ARID1B: variants seen among roughly 807,000 people sequenced by gnomAD.
ARID1B encodes AT-rich interactive domain-containing protein 1B.
A neutral mutation model predicts 212.3 loss-of-function variants in ARID1B; 30 were observed. The observed-to-expected ratio is 0.14, with a 90% confidence interval of 0.11 to 0.19. The LOEUF is 0.19. Among genes scored for constraint, ARID1B ranks in the 10% least tolerant of loss-of-function variants. ARID1B has a pLI of 1.00. For missense variants in ARID1B, 2,891 were observed against 3,204.0 expected, an observed-to-expected ratio of 0.90 and a Z score of 2.36; for synonymous variants, 1,402 against 1,301.7, an observed-to-expected ratio of 1.08 and a Z score of -1.66.
chr6:156,783,307 G>A (rs1254247161), intron 1 of ARID1B, among the ~76,000 whole-genome samples: 1 of 150,334 alleles, frequency 6.7e-6, no homozygotes, highest in Non-Finnish European at 1.5e-5. Flanking sequence ...TGAAATTGAA[G>A]AAAATAACGT....
intron 5 of ARID1B, among the ~76,000 whole-genome samples, chr6:157,108,486 A>G (rs555818588): frequency 1.2e-4 from 18 of 152,304 alleles, no homozygotes; most frequent in African/African-American, 4.3e-4. Context: ...GTCTTGCTGC[A>G]GCTGATTCCC....
chr6:157,122,752 C>T (rs768915208), intron 6 of ARID1B, among the ~76,000 whole-genome samples: 18 of 152,160 alleles, frequency 1.2e-4, no homozygotes, highest in Admixed American at 6.5e-4. Flanking sequence ...GATCTGGGCT[C>T]ACTGCAACCT....
Position 157,174,897 on chromosome 6 carries a change from G to T in ARID1B, c.3396G>T (p.Leu1132=). 3.2e-6 allele frequency: 5 copies of T among 1,551,468 alleles called. No homozygotes were observed. The highest frequency in any genetic ancestry group is 4.4e-6 in the Non-Finnish European group (5 of 1,148,642). Residue 1132 remains leucine (L), a synonymous_variant, in exon 11 of 20, where the codon CTG becomes CTT. Coordinates refer to ENST00000636930, the MANE Select transcript of ARID1B (RefSeq NM_001374828.1). Reference sequence around the variant, plus strand: ...CTCAGCCCCCAACCCCAGGCAACCTGCCAGTCCCTTCCCCAATGTCCCCCA... The same window carrying T: ...CTCAGCCCCCAACCCCAGGCAACCTTCCAGTCCCTTCCCCAATGTCCCCCA... ...GISQPPTPGN[L]PVPSPMSPSS... is the part of the protein sequence containing the mutation.
chr6:157,190,859 G>A lies in ARID1B; in HGVS notation c.4231+649G>A, dbSNP rs1485608723. 1.3e-5 allele frequency among the ~76,000 whole-genome samples: 2 copies of A among 152,174 alleles called. No homozygotes were observed. The highest frequency in any genetic ancestry group is 1.3e-4 in the Admixed American group (2 of 15,292). ...GGTGGCGCGGTGGGAGAGAGGGAAA[G>A]CGATTTAGACTGAGTGGTCGGGAGG... On this transcript the variant is annotated intron_variant, in intron 15 of 19. Coordinates refer to ENST00000636930, the MANE Select transcript of ARID1B (RefSeq NM_001374828.1). The surrounding 1 kb of genome is among the most constrained non-coding windows in gnomAD (Gnocchi z 4.6).
intron 6 of ARID1B, among the ~76,000 whole-genome samples, chr6:157,115,892 A>G (rs866135117): frequency 3.3e-5 from 5 of 152,306 alleles, no homozygotes; most frequent in South Asian, 2.1e-4. Flanking sequence ...TAGACCTCAT[A>G]TGGCAATATA....
chr6:157,054,537 G>A (rs1782814643), intron 4 of ARID1B, among the ~76,000 whole-genome samples: 1 of 152,198 alleles, frequency 6.6e-6, no homozygotes, highest in Admixed American at 6.5e-5. Flanking sequence ...TGTTATAAAA[G>A]TAGGAAGTGA....
chr6:157,129,696 T>C (rs1159835852), intron 6 of ARID1B, among the ~76,000 whole-genome samples: 4 of 152,206 alleles, frequency 2.6e-5, no homozygotes, highest in African/African-American at 4.8e-5. Context: ...TTTTTGCAAA[T>C]GTGATTTTAT....
At chr6:157,161,395 C>T (rs1790918808) in intron 8 of ARID1B, among the ~76,000 whole-genome samples, 1 of 148,328 alleles carries the variant, frequency 6.7e-6, no homozygotes, top group African/African-American at 2.5e-5. Context: ...TTGACCAGGG[C>T]TTGACGGTCT....
chr6:157,133,352 C>A (rs1788683680), intron 7 of ARID1B, 145 bp downstream of exon 7: 1 of 915,760 alleles, frequency 1.1e-6, no homozygotes. Context: ...CATACAAGCC[C>A]ACAGTACTTT....
intron 5 of ARID1B, among the ~76,000 whole-genome samples, chr6:157,106,230 A>T (rs1044479870): frequency 2.6e-5 from 4 of 152,152 alleles, no homozygotes; most frequent in African/African-American, 7.2e-5. Context: ...AAAAAAGGAA[A>T]GCCCAAAGGG....
chr6:156,988,425 T>C (rs1445697944), intron 4 of ARID1B, among the ~76,000 whole-genome samples: 1 of 152,126 alleles, frequency 6.6e-6, no homozygotes, highest in African/African-American at 2.4e-5. Flanking sequence ...GGGGATTCGC[T>C]GCAAACCATG....
At chr6:157,015,464 A>G (rs991377962) in intron 4 of ARID1B, among the ~76,000 whole-genome samples, 1 of 152,180 alleles carries the variant, frequency 6.6e-6, no homozygotes, top group Non-Finnish European at 1.5e-5. Flanking sequence ...TAAGACACAG[A>G]TTTGGGATTC....
At chr6:157,195,284 C>T (rs1421128577) in intron 15 of ARID1B, 1 of 152,164 alleles carries the variant, frequency 6.6e-6, no homozygotes, top group East Asian at 1.9e-4. Flanking sequence ...GGTCCTCGTC[C>T]GAGTTTATTT....
At chr6:157,049,376 A>G (rs1782442326) in intron 4 of ARID1B, among the ~76,000 whole-genome samples, 1 of 152,118 alleles carries the variant, frequency 6.6e-6, no homozygotes, top group Admixed American at 6.5e-5. Context: ...TTAGATGGCC[A>G]TGTGAAAAGG....
intron 7 of ARID1B, among the ~76,000 whole-genome samples, chr6:157,145,746 T>C (rs1288733045): frequency 6.6e-6 from 1 of 152,210 alleles, no homozygotes; most frequent in Non-Finnish European, 1.5e-5. Flanking sequence ...CCAGGATGCC[T>C]GGGCTCAGAC....
At chr6:156,826,444 G>C (rs754890366) in intron 1 of ARID1B, among the ~76,000 whole-genome samples, 2 of 152,232 alleles carry the variant, frequency 1.3e-5, no homozygotes, top group Admixed American at 6.5e-5. Flanking sequence ...GGACATGGAG[G>C]CTCGTTCATC....
At chr6:157,134,377 G>C (rs1410014495) in intron 7 of ARID1B, among the ~76,000 whole-genome samples, 2 of 152,212 alleles carry the variant, frequency 1.3e-5, no homozygotes, top group Non-Finnish European at 2.9e-5. Context: ...CTTTGCCTTA[G>C]AGGGCTTTGT....
chr6:157,167,278 G>A (rs926506861), intron 9 of ARID1B, 93 bp downstream of exon 9: 1 of 1,454,200 alleles, frequency 6.9e-7, no homozygotes, highest in South Asian at 1.5e-5. Context: ...GGCCCGAGAA[G>A]GTGGATCAGT....
chr6:156,882,214 T>C (rs1368285891), intron 2 of ARID1B, among the ~76,000 whole-genome samples: 1 of 152,132 alleles, frequency 6.6e-6, no homozygotes, highest in Non-Finnish European at 1.5e-5. Flanking sequence ...TCAGCCTTGG[T>C]CCCGGTGGAG....
Sources: allele counts gnomAD v4.1 joint callset (sites outside exome capture counted in the v4.1 genomes callset), GRCh38; gene constraint gnomAD v4.1.1; non-coding constraint Gnocchi (gnomAD v3.1); transcripts MANE v1.5; gene names NCBI Gene and HGNC (gene_info 2026-07-23, HGNC 2026-07-21).